NHSL1: variants seen among roughly 807,000 people sequenced by gnomAD.
NHSL1 encodes NHS-like protein 1.
Under a neutral mutation model 95.0 loss-of-function variants are expected in NHSL1, and 48 were observed. The observed-to-expected ratio is 0.51, with a 90% confidence interval of 0.40 to 0.64. The LOEUF (loss-of-function observed/expected upper bound fraction) is 0.64, where lower values mean the gene tolerates loss of function less well. Among genes scored for constraint, NHSL1 ranks in the 30% least tolerant of loss-of-function variants. The pLI is 0.00. For missense variants in NHSL1, 1,971 were observed against 2,077.7 expected, an observed-to-expected ratio of 0.95 and a Z score of 1.00; for synonymous variants, 783 against 833.9, an observed-to-expected ratio of 0.94 and a Z score of 1.05.
intron 1 of NHSL1, among the ~76,000 whole-genome samples, chr6:138,531,520 CT>C (rs148821238): frequency 2.6e-3 from 376 of 144,512 alleles, no homozygotes; most frequent in Middle Eastern, 7.2e-3. Context: ...GTTTCTCTCT[CT>C]TTTTTTTTTT....
At chr6:138,648,474 G>C (rs1785048232) in intron 1 of NHSL1, among the ~76,000 whole-genome samples, 1 of 152,018 alleles carries the variant, frequency 6.6e-6, no homozygotes, top group Admixed American at 6.6e-5. Flanking sequence ...AGCTGACCGA[G>C]ACCAGGTAGG....
At chr6:138,668,275 C>T (rs943631863) in intron 1 of NHSL1, among the ~76,000 whole-genome samples, 1 of 152,234 alleles carries the variant, frequency 6.6e-6, no homozygotes, top group South Asian at 2.1e-4. Context: ...AATACCCCGT[C>T]TCTACTAAAA....
chr6:138,448,320 G>A (rs1041273994), intron 3 of NHSL1, among the ~76,000 whole-genome samples: 16 of 152,194 alleles, frequency 1.1e-4, no homozygotes, highest in African/African-American at 3.4e-4. Context: ...ATCGACTTTC[G>A]TGGGGGAAAT....
chr6:138,456,964 A>C (rs1487280797), intron 3 of NHSL1, among the ~76,000 whole-genome samples: 2 of 151,524 alleles, frequency 1.3e-5, no homozygotes, highest in African/African-American at 4.9e-5. Flanking sequence ...GCTCACTGCA[A>C]CCTCCACCTC....
chr6:138,584,314 G>A (rs1363977775), intron 1 of NHSL1, among the ~76,000 whole-genome samples: 11 of 125,842 alleles, frequency 8.7e-5, no homozygotes, highest in Admixed American at 8.1e-4. Context: ...TAAGGGCATA[G>A]CTGTTTGTGT....
chr6:138,453,301 T>C (rs1777362176), intron 3 of NHSL1, among the ~76,000 whole-genome samples: 1 of 151,888 alleles, frequency 6.6e-6, no homozygotes, highest in Non-Finnish European at 1.5e-5. Context: ...ATATGTATTA[T>C]ATTAGTCCCT....
At chr6:138,656,455 C>T (rs1785157927) in intron 1 of NHSL1, among the ~76,000 whole-genome samples, 1 of 152,070 alleles carries the variant, frequency 6.6e-6, no homozygotes, top group Non-Finnish European at 1.5e-5. Flanking sequence ...GTGATTTGCC[C>T]AATTATGCAT....
chr6:138,618,282 A>G (rs1426019974), intron 1 of NHSL1, among the ~76,000 whole-genome samples: 1 of 152,226 alleles, frequency 6.6e-6, no homozygotes, highest in Non-Finnish European at 1.5e-5. Context: ...CTGATTAAGT[A>G]GGACAAGAAT....
chr6:138,619,873 G>A (rs1025963753), intron 1 of NHSL1, among the ~76,000 whole-genome samples: 5 of 150,534 alleles, frequency 3.3e-5, no homozygotes, highest in South Asian at 2.1e-4. Context: ...GCTTGAACCC[G>A]GGAAGCGGAG....
intron 1 of NHSL1, among the ~76,000 whole-genome samples, chr6:138,633,996 T>A (rs1369118699): frequency 6.6e-6 from 1 of 152,176 alleles, no homozygotes; most frequent in Non-Finnish European, 1.5e-5. Context: ...AAGTGTTAAG[T>A]TATCTGCTCA....
At chr6:138,634,450 A>T (rs1417095303) in intron 1 of NHSL1, among the ~76,000 whole-genome samples, 1 of 152,224 alleles carries the variant, frequency 6.6e-6, no homozygotes, top group Non-Finnish European at 1.5e-5. Context: ...GACAAAAACT[A>T]TAAGAGACAA....
intron 3 of NHSL1, among the ~76,000 whole-genome samples, chr6:138,458,158 C>T (rs1777742503): frequency 6.6e-6 from 1 of 152,152 alleles, no homozygotes; most frequent in Admixed American, 6.5e-5. Context: ...CAAATGATAG[C>T]TTGATGATCT....
At position 138,424,914 on chromosome 6, in the gene NHSL1, C is replaced by A; in HGVS notation, c.4086-98G>T. ...TCTTATCGCATCTTCAGGTCACCAT[C>A]TACTTAAGATTCACTTTCAAAAAAT... On this transcript the variant is annotated intron_variant, in intron 7 of 7. Coordinates refer to ENST00000343505, the MANE Select transcript of NHSL1 (RefSeq NM_001144060.2). This position sits in a 1 kb window ranked among gnomAD's most constrained non-coding sequence, Gnocchi z 5.9. 1.0e-6 allele frequency: 1 copy of A among 989,842 alleles called. No individual in the cohort carries two copies. Among genetic ancestry groups the A allele is most frequent in the Non-Finnish European group, 1.5e-6 (1 of 685,332 alleles). The allele number at this position is 989,842 out of a possible 1,614,324, so 61.3% of individuals were successfully genotyped here. A position where few individuals can be genotyped will look rare whatever the true frequency, so the allele number is the denominator to read the frequency against.
chr6:138,633,285 G>A (rs1424711133), intron 1 of NHSL1, among the ~76,000 whole-genome samples: 1 of 152,106 alleles, frequency 6.6e-6, no homozygotes, highest in East Asian at 1.9e-4. Context: ...TATTCAAACG[G>A]ATAATAACAG....
upstream of NHSL1, among the ~76,000 whole-genome samples, chr6:138,692,973 G>A (rs902908680): frequency 1.5e-4 from 23 of 151,348 alleles, no homozygotes; most frequent in Admixed American, 1.2e-3. This position sits in a 1 kb window ranked among gnomAD's most constrained non-coding sequence, Gnocchi z 4.0. Flanking sequence ...GGGCGGCGCG[G>A]GGCAGGAATG....
intron 1 of NHSL1, among the ~76,000 whole-genome samples, chr6:138,537,209 C>T (rs573988030): frequency 2.0e-4 from 31 of 152,348 alleles, no homozygotes; most frequent in Middle Eastern, 6.8e-3. Flanking sequence ...AAGGTTTTGT[C>T]TCAATTGCTG....
At chr6:138,482,053 A>G (rs1252465648) in intron 2 of NHSL1, among the ~76,000 whole-genome samples, 1 of 152,230 alleles carries the variant, frequency 6.6e-6, no homozygotes, top group African/African-American at 2.4e-5. Context: ...GCTGCAGGTG[A>G]AGCAAGAAAG....
chr6:138,455,306 T>G (rs915370768), intron 3 of NHSL1, among the ~76,000 whole-genome samples: 1 of 152,102 alleles, frequency 6.6e-6, no homozygotes, highest in Non-Finnish European at 1.5e-5. Flanking sequence ...ACTTAAAAAC[T>G]TTTTTGGGGG....
chr6:138,510,649 A>G (rs1781177651), intron 1 of NHSL1, among the ~76,000 whole-genome samples: 1 of 152,244 alleles, frequency 6.6e-6, no homozygotes, highest in African/African-American at 2.4e-5. Flanking sequence ...TCACCTAGAA[A>G]GTACAGAACT....
Sources: gnomAD v4.1 joint callset for allele counts (sites outside exome capture counted in the v4.1 genomes callset) on GRCh38, gnomAD v4.1.1 for gene constraint, Gnocchi (gnomAD v3.1) non-coding constraint, MANE v1.5 for transcripts, NCBI Gene and HGNC (gene_info 2026-07-23, HGNC 2026-07-21) for gene names.